ALB: variants seen among roughly 807,000 people sequenced by gnomAD.
The protein encoded by ALB is albumin.
Under a neutral mutation model 74.5 loss-of-function variants are expected in ALB, and 37 were observed. The observed-to-expected ratio is 0.50, with a 90% CI of 0.38 to 0.65. The LOEUF (loss-of-function observed/expected upper bound fraction) is 0.65, where lower values mean the gene tolerates loss of function less well. ALB is among the 30% of genes least tolerant of loss of function. The pLI, the probability that ALB is intolerant of heterozygous loss-of-function variation, is 0.00. For missense variants in ALB, 685 were observed against 718.7 expected, an observed-to-expected ratio of 0.95 and a Z score of 0.54; for synonymous variants, 249 against 251.6, an observed-to-expected ratio of 0.99 and a Z score of 0.10.
At chr4:73,420,210 T>A in intron 13 of ALB, 44 bp from the exon 14 acceptor site, 2 of 1,546,206 alleles carry the variant, frequency 1.3e-6, no homozygotes, top group South Asian at 2.2e-5. Flanking sequence ...ATCCTAATAG[T>A]AATGCTAATA....
rs752304143 is a variant in ALB, at chr4:73,420,300, A to G, written c.*2A>G. ...AGTCAAGCTGCCTTAGGCTTATAAC[A>G]TCACATTTAAAAGCATCTCAGGTAA... On this transcript the variant is annotated 3_prime_UTR_variant, in exon 14 of 15. Coordinates refer to ENST00000295897, the MANE Select transcript of ALB (RefSeq NM_000477.7). 2.8e-5 allele frequency: 45 copies of G among 1,609,574 alleles called. 1 individual carries two copies. The highest frequency in any genetic ancestry group is 3.7e-5 in the Non-Finnish European group (44 of 1,176,488).
At chr4:73,419,321 C>G (rs1004829939) in intron 12 of ALB, 186 bp from the exon 13 acceptor site, 1 of 627,874 alleles carries the variant, frequency 1.6e-6, no homozygotes, top group Non-Finnish European at 2.7e-6. Flanking sequence ...ATTTTATTAT[C>G]CTCATCATGC....
intron 4 of ALB, 89 bp from the exon 5 acceptor site, chr4:73,409,266 T>G: frequency 7.1e-7 from 1 of 1,407,444 alleles, no homozygotes; most frequent in Non-Finnish European, 9.9e-7. Context: ...CTTTGGAATT[T>G]GGAGGTTCTG....
In ALB at chr4:73,405,190, A is replaced by T; in HGVS notation, c.137+17A>T. On this transcript the variant is annotated intron_variant, in intron 2 of 14. Transcript: ENST00000295897. ...CAAAGCCTTGTAAGTTAAAATATTG[A>T]TGAATCAAATTTAATGTTTCTAATA... is the stretch of plus-strand genomic sequence containing the variant. The T allele has an allele frequency of 6.3e-7, 1 of 1,576,306 alleles. No homozygotes were observed. Among genetic ancestry groups the T allele is most frequent in the Non-Finnish European group, 8.7e-7 (1 of 1,145,862 alleles).
At chr4:73,413,760 CT>C (rs1339895318) in intron 8 of ALB, 126 bp downstream of exon 8, 4 of 882,126 alleles carry the variant, frequency 4.5e-6, no homozygotes, top group African/African-American at 1.7e-5. Flanking sequence ...TCATCCTTCC[CT>C]TTCCCAGGCT....
In ALB at chr4:73,408,611, CA is replaced by C; in HGVS notation, c.291del (p.Lys97AsnfsTer44). 3.1e-6 allele frequency: 5 copies of C among 1,613,888 alleles called. No individual in the cohort carries two copies. The highest frequency in any genetic ancestry group is 4.2e-6 in the Non-Finnish European group (5 of 1,179,870). On this transcript the variant is annotated frameshift_variant, in exon 4 of 15. Transcript: ENST00000295897. LOFTEE classifies it high-confidence loss of function. Reference protein sequence around the residue: ...DKSLHTLFGDKLCTVATLRET... With the variant: ...DKSLHTLFGDXLCTVATLRET... Reference sequence around the variant, plus strand: ...CCATTTAGCATACCCTTTTTGGAGACAAATTATGCACAGTTGCAACTCTTCG... The same window carrying C: ...CCATTTAGCATACCCTTTTTGGAGACAATTATGCACAGTTGCAACTCTTCG...
chr4:73,404,724 T>C (rs1466513349), intron 1 of ALB, among the ~76,000 whole-genome samples: 1 of 152,200 alleles, frequency 6.6e-6, no homozygotes, highest in Non-Finnish European at 1.5e-5. Flanking sequence ...CAAAGACCTA[T>C]CCATTGCACT....
At position 73,419,656 on chromosome 4, in the gene ALB, C is replaced by T. The variant is rs199753942; in HGVS notation, c.1785+17C>T. On this transcript the variant is annotated intron_variant, in intron 13 of 14. Transcript: ENST00000295897. ...GCCGAGGAGGTACTACAGTTCTCTT[C>T]ATTTTAATATGTCCAGTATTCATTT... is the stretch of plus-strand genomic sequence containing the variant. 3.7e-6 allele frequency: 6 copies of T among 1,613,480 alleles called. No individual in the cohort carries two copies. The highest frequency in any genetic ancestry group is 1.7e-4 in the Middle Eastern group (1 of 6,054).
chr4:73,409,045 T>C lies in ALB; in HGVS notation c.482+240T>C, dbSNP rs1484293383. The C allele has an allele frequency of 6.9e-6, 4 of 576,922 alleles. No homozygotes were observed. In the Admixed American group the frequency reaches 1.3e-4, roughly 18 times the overall value. 35.7% of individuals were successfully genotyped at this position (576,922 alleles called of 1,614,324 possible). A position where few individuals can be genotyped will look rare whatever the true frequency, so the allele number is the denominator to read the frequency against. On this transcript the variant is annotated intron_variant, in intron 4 of 14. Transcript: ENST00000295897. The stretch of plus-strand genomic sequence containing the variant: ...TACAATCTTTCTGAAAAATTTAAGA[T>C]AGACAAATTATTTAATGTATTACGA...
chr4:73,421,139 ATC>A lies in ALB; in HGVS notation c.*73_*74del. ...GAAAATGAAGATCAAAAGCTTATTC[ATC>A]TGTTTTTCTTTTTCGTTGGTGTAAA... On this transcript the variant is annotated 3_prime_UTR_variant, in exon 15 of 15. Transcript: ENST00000295897. The A allele has an allele frequency of 1.4e-6, 1 of 695,926 alleles. No individual in the cohort carries two copies. The highest frequency in any genetic ancestry group is 2.6e-6 in the Non-Finnish European group (1 of 382,666). The allele number at this position is 695,926 out of a possible 1,614,324, so 43.1% of individuals were successfully genotyped here. A position where few individuals can be genotyped will look rare whatever the true frequency, so the allele number is the denominator to read the frequency against.
At chr4:73,408,234 CT>C (rs994319660) in intron 3 of ALB, among the ~76,000 whole-genome samples, 1 of 152,174 alleles carries the variant, frequency 6.6e-6, no homozygotes, top group Non-Finnish European at 1.5e-5. Flanking sequence ...TTTTTCTCCC[CT>C]AGGTGAATTC....
rs370644956 is a variant in ALB, at chr4:73,419,464, T to C, written c.1653-43T>C. 2.4e-5 allele frequency: 38 copies of C among 1,589,524 alleles called. No individual in the cohort carries two copies. The African/African-American group carries it at 4.9e-4, about 20-fold the overall frequency. On this transcript the variant is annotated intron_variant, in intron 12 of 14. Transcript: ENST00000295897. Reference sequence around the variant, plus strand: ...TCTCCATTTTTCTATACGTGAGTAATGTTTTTTCTGTTTTTTTTTTTTCTT... The same window carrying C: ...TCTCCATTTTTCTATACGTGAGTAACGTTTTTTCTGTTTTTTTTTTTTCTT...
chr4:73,413,768 G>A (rs761880703), intron 8 of ALB, 134 bp downstream of exon 8: 114 of 845,650 alleles, frequency 1.3e-4, no homozygotes, highest in Non-Finnish European at 2.0e-4. Context: ...CCCTTTCCCA[G>A]GCTTTAACAA....
intron 10 of ALB, 147 bp downstream of exon 10, chr4:73,416,500 G>A (rs1184157314): frequency 4.4e-6 from 3 of 688,392 alleles, no homozygotes; most frequent in Non-Finnish European, 7.6e-6. Context: ...GGAGAGGAGA[G>A]ATAAAATAGT....
At chr4:73,419,198 A>G (rs889197584) in intron 12 of ALB, 1 of 264,532 alleles carries the variant, frequency 3.8e-6, no homozygotes, top group Non-Finnish European at 7.3e-6. Flanking sequence ...AATTGCAATG[A>G]CATACTTCTT....
At chr4:73,412,445 AT>A (rs112710644) in intron 7 of ALB, among the ~76,000 whole-genome samples, 2,611 of 151,690 alleles carry the variant, frequency 0.017, 38 homozygotes, top group Non-Finnish European at 0.027. Context: ...GTCTAAGAAG[AT>A]TTTTTTTTCT....
intron 3 of ALB, among the ~76,000 whole-genome samples, chr4:73,407,324 A>G (rs1718759618): frequency 1.3e-5 from 2 of 152,176 alleles, no homozygotes; most frequent in South Asian, 2.1e-4. Context: ...GAGTTTGACT[A>G]CTTTAGCTAC....
In ALB at chr4:73,421,354, C is replaced by A; in HGVS notation, c.*286C>A. ...TCCAGTGTTCTCTCTTATTCCACTT[C>A]GGTAGAGGATTTCTAGTTTCTTGTG... is the stretch of plus-strand genomic sequence containing the variant. On this transcript the variant is annotated 3_prime_UTR_variant, in exon 15 of 15. Transcript: ENST00000295897. The A allele has an allele frequency of 2.9e-6, 1 of 341,782 alleles. No individual in the cohort carries two copies. The highest frequency in any genetic ancestry group is 1.1e-4 in the South Asian group (1 of 8,884). The allele number at this position is 341,782 out of a possible 1,614,324, so 21.2% of individuals were successfully genotyped here.
At chr4:73,405,988 G>A (rs757569429) in intron 2 of ALB, among the ~76,000 whole-genome samples, 1 of 152,070 alleles carries the variant, frequency 6.6e-6, no homozygotes, top group Non-Finnish European at 1.5e-5. Context: ...GGGATCAGGT[G>A]CGGTGGTTCA....
Sources: allele counts gnomAD v4.1 joint callset (sites outside exome capture counted in the v4.1 genomes callset), GRCh38; gene constraint gnomAD v4.1.1; transcripts MANE v1.5; gene names NCBI Gene and HGNC (gene_info 2026-07-23, HGNC 2026-07-21).